The following ART1 variants were observed in gnomAD, a reference collection of about 807,000 sequenced individuals.
ART1 encodes ADP-ribosyltransferase 1.
A neutral mutation model predicts 27.0 loss-of-function variants in ART1; 29 were observed. The observed-to-expected ratio is 1.08, with a 90% confidence interval of 0.80 to 1.47. ART1 has a LOEUF of 1.47. Among genes scored for constraint, ART1 ranks in the 40% most tolerant of loss-of-function variants. The probability of loss-of-function intolerance (pLI) is 0.00; values close to 1 mark genes in which losing one functional copy is unlikely to be tolerated. For missense variants in ART1, 480 were observed against 423.0 expected (o/e 1.13, Z -1.18); for synonymous variants, 201 against 172.2 (o/e 1.17, Z -1.31).
At position 3,662,486 on chromosome 11, in the gene ART1, C is replaced by T. The variant is rs74769354; in HGVS notation, c.886+1073C>T. On this transcript the variant is annotated intron_variant, in intron 4 of 4. Transcript: ENST00000250693. ...ACTCCAGGCACATCATGCCATTCAT[C>T]CTCACCACACCCCAGTGGTACTGTC... 7.7e-3 allele frequency among the ~76,000 whole-genome samples: 1,176 copies of T among 152,306 alleles called. 19 individuals are homozygous for T. Among genetic ancestry groups the T allele is most frequent in the African/African-American group, 0.025 (1,055 of 41,548 alleles).
chr11:3,661,400 T>A lies in ART1; in HGVS notation c.873T>A (p.His291Gln). ...AGAAGTGCAAGTCTGGGCCTTGCCA[T>A]CTGGATAATTCAGGTAAGGGCTGCA... ...KDKKCKSGPC[H>Q]LDNSAMGQSP... The change falls in exon 4 of 5, where the codon CAT becomes CAA. Residue 291 changes from histidine (H) to glutamine (Q), a missense_variant. His to Gln is a conservative substitution (Grantham distance 24). Transcript: ENST00000250693. 1 of 1,612,644 alleles carries A rather than the reference T, an allele frequency of 6.2e-7. No individual in the cohort carries two copies.
chr11:3,647,927 A>AGAG (rs1290513653), intron 1 of ART1, among the ~76,000 whole-genome samples: 1 of 152,150 alleles, frequency 6.6e-6, no homozygotes, highest in Non-Finnish European at 1.5e-5. Context: ...GGGCAATAAA[A>AGAG]GAAGATGGGC....
chr11:3,653,597 C>A (rs938417141), intron 1 of ART1, among the ~76,000 whole-genome samples: 1 of 152,184 alleles, frequency 6.6e-6, no homozygotes, highest in Non-Finnish European at 1.5e-5. Context: ...ATTGCTCACA[C>A]AAAGCCTGTT....
At chr11:3,651,162 C>T (rs1430388123) in intron 1 of ART1, among the ~76,000 whole-genome samples, 25 of 148,300 alleles carry the variant, frequency 1.7e-4, no homozygotes, top group Middle Eastern at 3.4e-3. Context: ...CCTCCCTCTA[C>T]AACCCATTAT....
chr11:3,654,818 C>A (rs994163679), intron 1 of ART1, among the ~76,000 whole-genome samples: 3 of 152,172 alleles, frequency 2.0e-5, no homozygotes, highest in Non-Finnish European at 4.4e-5. Context: ...TCCTCACTGC[C>A]ATTCTCTTAC....
At chr11:3,653,672 G>A (rs897903611) in intron 1 of ART1, among the ~76,000 whole-genome samples, 10 of 152,156 alleles carry the variant, frequency 6.6e-5, no homozygotes, top group South Asian at 2.1e-4. Flanking sequence ...AATCTACTCC[G>A]CTTCTCCTCT....
At chr11:3,648,658 C>A (rs1037091160) in intron 1 of ART1, among the ~76,000 whole-genome samples, 1 of 152,216 alleles carries the variant, frequency 6.6e-6, no homozygotes, top group African/African-American at 2.4e-5. Context: ...GCAGCCTTCC[C>A]TTGGTGTTTA....
At position 3,659,154 on chromosome 11, in the gene ART1, T is replaced by C; in HGVS notation, c.-52-8T>C. 2 of 1,534,440 alleles carry C rather than the reference T, an allele frequency of 1.3e-6. No homozygotes were observed. The highest frequency in any genetic ancestry group is 1.8e-6 in the Non-Finnish European group (2 of 1,109,290). ...TAAACTATACAGATTAACACTGCAA[T>C]TTTCCAGATGAGGAAACTGAGACCC... On this transcript the variant is annotated splice_polypyrimidine_tract_variant and splice_region_variant and intron_variant, in intron 1 of 4. Transcript: ENST00000250693.
intron 4 of ART1, among the ~76,000 whole-genome samples, chr11:3,661,877 C>T (rs1041239154): frequency 3.9e-5 from 6 of 152,166 alleles, no homozygotes; most frequent in African/African-American, 1.4e-4. Flanking sequence ...TTGGGGGTTG[C>T]CAGCCTTAGC....
chr11:3,657,093 A>G (rs1166579547), intron 1 of ART1, among the ~76,000 whole-genome samples: 1 of 152,234 alleles, frequency 6.6e-6, no homozygotes, highest in Non-Finnish European at 1.5e-5. Context: ...AGGTCTCCCC[A>G]GAGCCAGAGG....
intron 1 of ART1, among the ~76,000 whole-genome samples, chr11:3,653,465 C>T (rs570504087): frequency 6.7e-6 from 1 of 149,516 alleles, no homozygotes; most frequent in African/African-American, 2.6e-5. Flanking sequence ...AGAGAACAAC[C>T]CCCCTTTGAC....
At position 3,651,867 on chromosome 11, in the gene ART1, C is replaced by T. The variant is rs191735725; in HGVS notation, c.-53+6688C>T. 7.7e-3 allele frequency among the ~76,000 whole-genome samples: 1,155 copies of T among 150,888 alleles called. 18 individuals carry two copies. The highest frequency in any genetic ancestry group is 0.027 in the African/African-American group (1,087 of 40,612). The stretch of plus-strand genomic sequence containing the variant: ...GATCCACCTGACATTCACCCCATTT[C>T]CCCATATTTCCTTCTTTCCTGTTCC... On this transcript the variant is annotated intron_variant, in intron 1 of 4. Transcript: ENST00000250693.
chr11:3,654,924 A>C (rs1589920654), intron 1 of ART1, among the ~76,000 whole-genome samples: 1 of 152,260 alleles, frequency 6.6e-6, no homozygotes, highest in Admixed American at 6.5e-5. Context: ...AGATGCAGAC[A>C]GAAACAGAGC....
At chr11:3,657,780 C>G (rs771610900) in intron 1 of ART1, among the ~76,000 whole-genome samples, 1 of 152,062 alleles carries the variant, frequency 6.6e-6, no homozygotes, top group Non-Finnish European at 1.5e-5. Flanking sequence ...TAAAAACATG[C>G]ACACACATAG....
Position 3,663,089 on chromosome 11 carries a change from A to ATCATCTCATCTCATCTCATC in ART1, c.887-967_887-948dup, listed in dbSNP as rs58565508. Among the ~76,000 whole-genome samples the ATCATCTCATCTCATCTCATC allele has an allele frequency of 1.9e-3, 163 of 87,102 alleles. 3 individuals carry two copies. The highest frequency in any genetic ancestry group is 7.2e-3 in the East Asian group (18 of 2,498). 57.1% of individuals were successfully genotyped at this position (87,102 alleles called of 152,430 possible). A position where few individuals can be genotyped will look rare whatever the true frequency, so the allele number is the denominator to read the frequency against. On this transcript the variant is annotated intron_variant, in intron 4 of 4. Coordinates refer to ENST00000250693, the MANE Select transcript of ART1 (RefSeq NM_004314.3). The stretch of plus-strand genomic sequence containing the variant: ...TCATCTCATCTCATCATCTCATCTC[A>ATCATCTCATCTCATCTCATC]TCATCTCATCTCATCTCATCTCATC...
chr11:3,659,374 G>A (rs1381919160), intron 2 of ART1, 98 bp downstream of exon 2: 16 of 1,548,504 alleles, frequency 1.0e-5, no homozygotes, highest in East Asian at 2.2e-5. Context: ...AAGAATGCCC[G>A]ACGCTTCCCC....
Position 3,660,323 on chromosome 11 carries a change from C to T in ART1, c.804C>T (p.Ala268=), listed in dbSNP as rs757914337. The change falls in exon 3 of 5, where the codon GCC becomes GCT. Residue 268 remains alanine, a synonymous_variant. Coordinates refer to ENST00000250693, the MANE Select transcript of ART1 (RefSeq NM_004314.3). ...GCCCCGCCCGCATCTACCTCCGAGC[C>T]CTGGGCAAGCACAGCACCTACAACT... ...AQGPARIYLR[A]LGKHSTYNCE... 5 of 1,606,232 alleles carry T rather than the reference C, an allele frequency of 3.1e-6. No individual in the cohort carries two copies. Among genetic ancestry groups the T allele is most frequent in the East Asian group, 2.2e-5 (1 of 44,878 alleles).
At chr11:3,647,587 T>A (rs1056705009) in intron 1 of ART1, among the ~76,000 whole-genome samples, 1 of 151,900 alleles carries the variant, frequency 6.6e-6, no homozygotes, top group Non-Finnish European at 1.5e-5. Flanking sequence ...TGAGCCGAGA[T>A]TGCACCACTG....
chr11:3,658,687 G>T (rs2133961399), intron 1 of ART1, among the ~76,000 whole-genome samples: 1 of 152,220 alleles, frequency 6.6e-6, no homozygotes, highest in South Asian at 2.1e-4. Context: ...CCCACCAGCT[G>T]AACACTCCTG....
Sources: gnomAD v4.1 joint callset for allele counts (sites outside exome capture counted in the v4.1 genomes callset) on GRCh38, gnomAD v4.1.1 for gene constraint, MANE v1.5 for transcripts, NCBI Gene and HGNC (gene_info 2026-07-23, HGNC 2026-07-21) for gene names.